The following AGBL1 variants were observed in gnomAD, a reference collection of about 807,000 sequenced individuals.
AGBL1 encodes cytosolic carboxypeptidase 4.
Under a neutral mutation model 118.9 loss-of-function variants are expected in AGBL1, and 130 were observed. That is an observed-to-expected ratio of 1.09 (90% CI 0.95 to 1.26). The LOEUF (loss-of-function observed/expected upper bound fraction) is 1.26, where lower values mean the gene tolerates loss of function less well. AGBL1 is among the 50% of genes most tolerant of loss of function. AGBL1 has a pLI of 0.00. For missense variants in AGBL1, 1,584 were observed against 1,298.1 expected (o/e 1.22, Z -3.38); for synonymous variants, 555 against 478.9 (o/e 1.16, Z -2.08).
rs576625096 is a variant in AGBL1 at position 86,520,534 on chromosome 15, G to A, written c.2556-2276G>A. Among the ~76,000 whole-genome samples the A allele has an allele frequency of 3.3e-5, 5 of 152,270 alleles. No individual in the cohort carries two copies. In the South Asian group the frequency reaches 1.0e-3, roughly 32 times the overall value. ...TAGTATTTCTGCAAAGTGGTAATAC[G>A]TGAGCCTTCTCCATGTAGATGTTGC... On this transcript the variant is annotated intron_variant, in intron 18 of 22. Coordinates refer to ENST00000614907, the MANE Select transcript of AGBL1 (RefSeq NM_001386094.1).
At chr15:86,182,562 A>G (rs2077568788) in intron 5 of AGBL1, among the ~76,000 whole-genome samples, 1 of 152,146 alleles carries the variant, frequency 6.6e-6, no homozygotes, top group Admixed American at 6.5e-5. Context: ...AAGTACTTCC[A>G]AATTAATTTC....
intron 24 of AGBL1, among the ~76,000 whole-genome samples, chr15:87,024,794 A>T (rs2081708393): frequency 6.6e-6 from 1 of 151,722 alleles, no homozygotes; most frequent in Non-Finnish European, 1.5e-5. Context: ...CCATGATCAA[A>T]TGGGTTTCAT....
intron 23 of AGBL1, among the ~76,000 whole-genome samples, chr15:86,986,123 C>T (rs1053880844): frequency 6.6e-6 from 1 of 152,104 alleles, no homozygotes; most frequent in East Asian, 1.9e-4. Flanking sequence ...GGGGTTTCGC[C>T]ACGTTGGCCA....
intron 17 of AGBL1, among the ~76,000 whole-genome samples, chr15:86,396,974 A>G (rs2081374840): frequency 6.6e-6 from 1 of 152,256 alleles, no homozygotes; most frequent in South Asian, 2.1e-4. Context: ...TCAAATAGTT[A>G]CATTTTTGAT....
intron 21 of AGBL1, among the ~76,000 whole-genome samples, chr15:86,604,479 G>A (rs2084543090): frequency 1.3e-5 from 2 of 152,100 alleles, no homozygotes; most frequent in African/African-American, 2.4e-5. Flanking sequence ...TTCTGATCCC[G>A]AGGCCAGGCA....
At chr15:86,325,117 C>T (rs1041196950) in intron 17 of AGBL1, among the ~76,000 whole-genome samples, 1 of 152,162 alleles carries the variant, frequency 6.6e-6, no homozygotes, top group African/African-American at 2.4e-5. Flanking sequence ...AAATGTGTCT[C>T]TTCCATCAGT....
intron 23 of AGBL1, among the ~76,000 whole-genome samples, chr15:86,945,839 T>G (rs1248213997): frequency 6.6e-6 from 1 of 152,198 alleles, no homozygotes; most frequent in East Asian, 1.9e-4. Flanking sequence ...AAGATACTTT[T>G]GGACCTCACC....
intron 1 of AGBL1, among the ~76,000 whole-genome samples, chr15:86,093,026 A>T (rs556113828): frequency 1.3e-5 from 2 of 152,156 alleles, no homozygotes; most frequent in Non-Finnish European, 2.9e-5. Flanking sequence ...CTGTTTTGGA[A>T]GGTGCCTGGG....
At chr15:86,921,888 G>A (rs1474651421) in intron 23 of AGBL1, among the ~76,000 whole-genome samples, 1 of 152,088 alleles carries the variant, frequency 6.6e-6, no homozygotes, top group African/African-American at 2.4e-5. Context: ...ATCTAGTAAC[G>A]ACATTTGAGA....
intron 23 of AGBL1, among the ~76,000 whole-genome samples, chr15:86,938,376 T>C (rs1567249235): frequency 1.3e-5 from 2 of 152,142 alleles, no homozygotes; most frequent in African/African-American, 2.4e-5. Context: ...GCCACAAAAA[T>C]GGAAGAAACT....
intron 22 of AGBL1, among the ~76,000 whole-genome samples, chr15:86,834,628 C>T (rs936429653): frequency 3.9e-5 from 6 of 152,152 alleles, no homozygotes; most frequent in Admixed American, 6.5e-5. Context: ...CTTATGTACC[C>T]TCTCTGATCC....
chr15:86,648,528 A>G (rs930115552), intron 21 of AGBL1, among the ~76,000 whole-genome samples: 2 of 152,188 alleles, frequency 1.3e-5, no homozygotes, highest in African/African-American at 4.8e-5. Flanking sequence ...AATATAAACA[A>G]TTGGTTCTGC....
intron 3 of AGBL1, among the ~76,000 whole-genome samples, chr15:86,144,915 G>T (rs1356908508): frequency 6.6e-6 from 1 of 152,222 alleles, no homozygotes; most frequent in East Asian, 1.9e-4. Context: ...ACAGAAGACT[G>T]TTAGGAGGTC....
intron 5 of AGBL1, among the ~76,000 whole-genome samples, chr15:86,204,953 T>C (rs1389598636): frequency 6.6e-6 from 1 of 152,192 alleles, no homozygotes; most frequent in East Asian, 1.9e-4. Context: ...ACATCAGAGC[T>C]GACTTTTGGT....
chr15:86,433,837 A>G (rs958901964), intron 18 of AGBL1, among the ~76,000 whole-genome samples: 2 of 152,350 alleles, frequency 1.3e-5, no homozygotes, highest in South Asian at 2.1e-4. Context: ...AAATAACAGC[A>G]TCTTTCTCAA....
intron 18 of AGBL1, among the ~76,000 whole-genome samples, chr15:86,517,817 T>C (rs1172502271): frequency 6.6e-6 from 1 of 152,156 alleles, no homozygotes; most frequent in Non-Finnish European, 1.5e-5. Flanking sequence ...CTTTTCTCCA[T>C]CCAAACCATG....
chr15:86,972,185 G>A (rs1468012046), intron 23 of AGBL1, among the ~76,000 whole-genome samples: 1 of 152,018 alleles, frequency 6.6e-6, no homozygotes, highest in African/African-American at 2.4e-5. Flanking sequence ...CAGCATGTCA[G>A]AAAGCCATGC....
At chr15:86,951,045 C>T (rs986142855) in intron 23 of AGBL1, among the ~76,000 whole-genome samples, 1 of 152,184 alleles carries the variant, frequency 6.6e-6, no homozygotes, top group Admixed American at 6.5e-5. Context: ...AACTGGGTGC[C>T]TTCTTAAATT....
chr15:86,232,574 G>C (rs2078473119), intron 6 of AGBL1, among the ~76,000 whole-genome samples: 1 of 152,174 alleles, frequency 6.6e-6, no homozygotes, highest in African/African-American at 2.4e-5. Flanking sequence ...GGCAGGGTGA[G>C]CAGAGCCAGG....
Sources: allele counts gnomAD v4.1 joint callset (sites outside exome capture counted in the v4.1 genomes callset), GRCh38; gene constraint gnomAD v4.1.1; transcripts MANE v1.5; gene names NCBI Gene and HGNC (gene_info 2026-07-23, HGNC 2026-07-21).